Variants in SNX25 observed in about 807,000 individuals in gnomAD.
SNX25 encodes sorting nexin-25.
SNX25 carries 62 observed loss-of-function variants against 113.7 expected under a neutral mutation model. The observed-to-expected ratio is 0.55, with a 90% CI of 0.44 to 0.67. The LOEUF is 0.67. SNX25 is among the 30% of genes least tolerant of loss of function. The pLI is 0.00. For missense variants in SNX25, 1,014 were observed against 1,161.0 expected (o/e 0.87, Z 1.84); for synonymous variants, 421 against 436.2 (o/e 0.97, Z 0.43).
chr4:185,282,561 C>T (rs901088442), intron 5 of SNX25, among the ~76,000 whole-genome samples: 4 of 152,274 alleles, frequency 2.6e-5, no homozygotes, highest in South Asian at 4.2e-4. Context: ...GAAACACAAA[C>T]TTGCTCTTTT....
At chr4:185,274,450 G>A (rs2126570619) in intron 5 of SNX25, among the ~76,000 whole-genome samples, 1 of 152,246 alleles carries the variant, frequency 6.6e-6, no homozygotes, top group South Asian at 2.1e-4. Context: ...GATATGATGG[G>A]TAATTTTATT....
chr4:185,297,696 T>C (rs1753027565), intron 6 of SNX25, among the ~76,000 whole-genome samples: 1 of 152,160 alleles, frequency 6.6e-6, no homozygotes, highest in African/African-American at 2.4e-5. Flanking sequence ...TCTTGCTGGT[T>C]TGCAGATGGC....
chr4:185,298,093 CTT>C (rs6148841), intron 6 of SNX25, among the ~76,000 whole-genome samples: 2 of 137,132 alleles, frequency 1.5e-5, no homozygotes, highest in Non-Finnish European at 1.5e-5. Context: ...ATAGTAACTT[CTT>C]TTTTTTTTTT....
At chr4:185,346,405 T>C (rs973287690) in intron 12 of SNX25, 132 bp from the exon 13 acceptor site, 34 of 649,262 alleles carry the variant, frequency 5.2e-5, no homozygotes, top group Non-Finnish European at 7.7e-5. Context: ...CTCATTAAGA[T>C]GGGTAGGTTT....
In SNX25 at chr4:185,216,828, G is replaced by A. The variant is rs117342400; in HGVS notation, c.429+6573G>A. On this transcript the variant is annotated intron_variant, in intron 1 of 18. Transcript: ENST00000652585. ...GAGCCACCTCGCCCGGCCGACAAAA[G>A]TGTGTATTTGAATTTAGCAAAATCA... 2.2e-3 allele frequency among the ~76,000 whole-genome samples: 338 copies of A among 152,184 alleles called. 3 individuals are homozygous for A. The highest frequency in any genetic ancestry group is 0.021 in the East Asian group (108 of 5,182).
At chr4:185,208,096 C>T (rs3108239), upstream of SNX25, among the ~76,000 whole-genome samples, 89,854 of 151,914 alleles carry the variant, frequency 0.59, 26,968 homozygotes, top group Non-Finnish European at 0.66. Context: ...CAAAATTAAT[C>T]ATACTGCTTT....
intron 5 of SNX25, among the ~76,000 whole-genome samples, chr4:185,276,089 G>A (rs74393653): frequency 0.016 from 2,425 of 152,238 alleles, 47 homozygotes; most frequent in South Asian, 0.06. Context: ...TTATGTATTG[G>A]CAGCAATATA....
the SNX25 span, chr4:185,378,345 C>T: frequency 2.9e-5 from 41 of 1,436,280 alleles, no homozygotes; most frequent in African/African-American, 5.7e-4. Flanking sequence ...ACCACCAACT[C>T]CAGGACGTGA....
rs113730363 is a variant in SNX25 at position 185,362,550 on chromosome 4, G to A, written c.2834-61G>A. On this transcript the variant is annotated intron_variant, in intron 17 of 18. Coordinates refer to ENST00000652585, the MANE Select transcript of SNX25 (RefSeq NM_001378034.2). The stretch of plus-strand genomic sequence containing the variant: ...TGTATAATGTTGTATTCCTTTCACT[G>A]CAAAGCTATGCACTGAGCACTTTAT... 4.2e-5 allele frequency: 63 copies of A among 1,487,840 alleles called. No homozygotes were observed. The African/African-American group carries it at 7.9e-4, about 19-fold the overall frequency. 92.2% of individuals were successfully genotyped at this position (1,487,840 alleles called of 1,614,324 possible).
rs3822302 is a variant in SNX25, at chr4:185,351,619, T to C, written c.2466+10T>C. The C allele has an allele frequency of 0.34, 547,791 of 1,612,138 alleles. 99,410 individuals are homozygous for C. The highest frequency in any genetic ancestry group is 0.7 in the African/African-American group (52,289 of 74,940). ...CTTCTCCCACCAGGAGGTGAGCCGT[T>C]GAAAGAGTGAACCACTTTTGTAGTG... On this transcript the variant is annotated intron_variant, in intron 14 of 18. Coordinates refer to ENST00000652585, the MANE Select transcript of SNX25 (RefSeq NM_001378034.2).
intron 7 of SNX25, among the ~76,000 whole-genome samples, chr4:185,319,039 C>G (rs2095097263): frequency 6.6e-6 from 1 of 151,724 alleles, no homozygotes; most frequent in African/African-American, 2.4e-5. Flanking sequence ...ACGTGGATTA[C>G]CATACTCTCC....
At chr4:185,358,142 A>C (rs2095347079) in intron 16 of SNX25, among the ~76,000 whole-genome samples, 1 of 152,226 alleles carries the variant, frequency 6.6e-6, no homozygotes, top group Non-Finnish European at 1.5e-5. Context: ...GCGTTTACTT[A>C]GAGGAAAATA....
At chr4:185,239,354 G>A (rs200491880) in intron 1 of SNX25, among the ~76,000 whole-genome samples, 2 of 152,122 alleles carry the variant, frequency 1.3e-5, no homozygotes, top group African/African-American at 2.4e-5. Context: ...GTGGTGGTGG[G>A]CACCTGTAGT....
intron 5 of SNX25, among the ~76,000 whole-genome samples, chr4:185,276,272 C>T (rs1232691448): frequency 6.6e-6 from 1 of 152,174 alleles, no homozygotes; most frequent in East Asian, 1.9e-4. Context: ...GCACATTTCC[C>T]TCTATTAGCC....
intron 1 of SNX25, among the ~76,000 whole-genome samples, chr4:185,239,317 A>G (rs1743193465): frequency 6.6e-6 from 1 of 151,954 alleles, no homozygotes. Context: ...CTCCGTCTCT[A>G]CTAAAAATGC....
At chr4:185,249,913 A>G (rs1745400598) in intron 2 of SNX25, among the ~76,000 whole-genome samples, 1 of 152,118 alleles carries the variant, frequency 6.6e-6, no homozygotes, top group African/African-American at 2.4e-5. Context: ...CTTTTATGCT[A>G]ATTCCAACAT....
chr4:185,332,189 G>C (rs1389043335), intron 9 of SNX25, among the ~76,000 whole-genome samples: 1 of 152,142 alleles, frequency 6.6e-6, no homozygotes, highest in Non-Finnish European at 1.5e-5. Flanking sequence ...TCTTTTAGAG[G>C]GGCTTGCATG....
At chr4:185,276,412 A>T (rs1374679222) in intron 5 of SNX25, among the ~76,000 whole-genome samples, 1 of 152,238 alleles carries the variant, frequency 6.6e-6, no homozygotes, top group East Asian at 1.9e-4. Context: ...AGAAGCTCCA[A>T]TAAATAACAA....
chr4:185,316,638 A>T (rs549334140), intron 7 of SNX25, among the ~76,000 whole-genome samples: 1 of 152,350 alleles, frequency 6.6e-6, no homozygotes, highest in South Asian at 2.1e-4. Flanking sequence ...AATAAATGGC[A>T]GATCTTTTCT....
Sources: allele counts gnomAD v4.1 joint callset (sites outside exome capture counted in the v4.1 genomes callset), GRCh38; gene constraint gnomAD v4.1.1; transcripts MANE v1.5; gene names NCBI Gene and HGNC (gene_info 2026-07-23, HGNC 2026-07-21).